The following ITGAL variants were observed in gnomAD, a reference collection of about 807,000 sequenced individuals.
ITGAL encodes integrin alpha-L.
Under a neutral mutation model 138.4 loss-of-function variants are expected in ITGAL, and 68 were observed. That is an observed-to-expected ratio of 0.49 (90% CI 0.40 to 0.60). ITGAL has a LOEUF of 0.60. Ranked by LOEUF, ITGAL falls within the 20% of genes least tolerant of loss-of-function variation. The probability of loss-of-function intolerance (pLI) is 0.00; values close to 1 mark genes in which losing one functional copy is unlikely to be tolerated. For missense variants in ITGAL, 1,256 were observed against 1,478.6 expected (o/e 0.85, Z 2.47); for synonymous variants, 561 against 584.3 (o/e 0.96, Z 0.57).
At chr16:30,516,771 G>A (rs896486774) in intron 25 of ITGAL, among the ~76,000 whole-genome samples, 1 of 152,198 alleles carries the variant, frequency 6.6e-6, no homozygotes, top group African/African-American at 2.4e-5. Context: ...GGCGGAGAAA[G>A]CTGGAAGAGC....
intron 1 of ITGAL, among the ~76,000 whole-genome samples, chr16:30,473,786 G>A (rs933291430): frequency 6.6e-6 from 1 of 152,214 alleles, no homozygotes; most frequent in Non-Finnish European, 1.5e-5. Context: ...ATCTGAGACT[G>A]TGGGAGGAGG....
intron 30 of ITGAL, 113 bp from the exon 31 acceptor site, chr16:30,521,379 C>T (rs894839073): frequency 1.1e-6 from 1 of 882,002 alleles, no homozygotes. Flanking sequence ...TGCACTCCAG[C>T]CTGGGCAACA....
chr16:30,519,399 A>G (rs141718500), intron 29 of ITGAL, among the ~76,000 whole-genome samples: 1 of 152,078 alleles, frequency 6.6e-6, no homozygotes, highest in East Asian at 1.9e-4. Context: ...AAAAAAAATC[A>G]ATCTGATGGC....
At chr16:30,517,187 T>G in intron 26 of ITGAL, 101 bp downstream of exon 26, 2 of 766,168 alleles carry the variant, frequency 2.6e-6, no homozygotes, top group Non-Finnish European at 4.3e-6. Flanking sequence ...GCGGTGGCTC[T>G]GCCTCCCAAA....
chr16:30,491,837 T>C (rs566462181), intron 11 of ITGAL, among the ~76,000 whole-genome samples: 2 of 152,132 alleles, frequency 1.3e-5, no homozygotes, highest in Non-Finnish European at 2.9e-5. Context: ...CACAGAGGCA[T>C]GAAGCAATTT....
chr16:30,517,936 C>G (rs764243566), intron 28 of ITGAL, 41 bp downstream of exon 28: 1 of 1,567,818 alleles, frequency 6.4e-7, no homozygotes, highest in Admixed American at 1.7e-5. Context: ...GCTGTGGGGG[C>G]CCCAATGCCT....
At chr16:30,496,651 T>C (rs28708641) in intron 15 of ITGAL, 85 bp downstream of exon 15, 498,113 of 1,295,756 alleles carry the variant, frequency 0.38, 99,854 homozygotes, top group East Asian at 0.65. Context: ...TTTATTTTGG[T>C]TTTTTTTAGA....
At chr16:30,498,506 T>A (rs2050837336) in intron 15 of ITGAL, among the ~76,000 whole-genome samples, 1 of 152,160 alleles carries the variant, frequency 6.6e-6, no homozygotes. Flanking sequence ...AACATAAGCA[T>A]GAAAGTAACT....
intron 13 of ITGAL, among the ~76,000 whole-genome samples, chr16:30,495,197 G>A (rs1201586005): frequency 6.6e-6 from 1 of 152,042 alleles, no homozygotes; most frequent in Non-Finnish European, 1.5e-5. Context: ...GCTAATTTTT[G>A]TATTTTTAGT....
intron 6 of ITGAL, among the ~76,000 whole-genome samples, chr16:30,480,075 A>C (rs1034014262): frequency 4.0e-5 from 6 of 151,876 alleles, no homozygotes; most frequent in Non-Finnish European, 8.8e-5. Flanking sequence ...GGGACTACCC[A>C]TGTGCACCAC....
At chr16:30,478,735 T>G (rs1016481602) in intron 4 of ITGAL, among the ~76,000 whole-genome samples, 5 of 150,398 alleles carry the variant, frequency 3.3e-5, no homozygotes, top group Admixed American at 6.6e-5. Flanking sequence ...AAAGAGGCAC[T>G]GTATATTCTG....
chr16:30,514,932 C>G (rs1405001555), intron 25 of ITGAL, among the ~76,000 whole-genome samples: 1 of 150,328 alleles, frequency 6.7e-6, no homozygotes, highest in African/African-American at 2.5e-5. Flanking sequence ...TCAAGCAATT[C>G]TCCTGCTTCA....
rs1056659651 is a variant in ITGAL, at chr16:30,509,779, T to C, written c.2509-582T>C. ...GTAGGCCAGGTACAGAGGCTTACAC[T>C]TATAATCCCAGCACATTGGTAGGCT... On this transcript the variant is annotated intron_variant, in intron 21 of 30. Transcript: ENST00000356798. Among the ~76,000 whole-genome samples the C allele has an allele frequency of 2.6e-5, 4 of 151,992 alleles. No homozygotes were observed. In the East Asian group the frequency reaches 5.8e-4, roughly 22 times the overall value.
intron 1 of ITGAL, chr16:30,473,898 C>T (rs2050427964): frequency 5.5e-6 from 3 of 542,300 alleles, no homozygotes; most frequent in East Asian, 4.4e-5. Flanking sequence ...TCACCCTCTG[C>T]CTTGGGGCCC....
Position 30,481,176 on chromosome 16 carries a change from A to T in ITGAL, c.577-263A>T, listed in dbSNP as rs996380622. 91 of 382,258 alleles carry T rather than the reference A, an allele frequency of 2.4e-4. 2 individuals carry two copies. Among genetic ancestry groups the T allele is most frequent in the South Asian group, 2.0e-3 (88 of 43,052 alleles). 23.7% of individuals were successfully genotyped at this position (382,258 alleles called of 1,614,324 possible). On this transcript the variant is annotated intron_variant, in intron 6 of 30. Coordinates refer to ENST00000356798, the MANE Select transcript of ITGAL (RefSeq NM_002209.3). ...CACACACACACACACACACACACAC[A>T]CACACACCACACACACACAAATATT... is the stretch of plus-strand genomic sequence containing the variant.
In ITGAL at chr16:30,494,912, G is replaced by A; in HGVS notation, c.1503+62G>A. The stretch of plus-strand genomic sequence containing the variant: ...GAGCAGCAGAGATTCGCAGCTCCCA[G>A]TTATTCTGAAGGCTTTCTCTGTCTG... On this transcript the variant is annotated intron_variant, in intron 13 of 30. Transcript: ENST00000356798. This position sits in a 1 kb window ranked among gnomAD's most constrained non-coding sequence, Gnocchi z 4.2. 1.3e-6 allele frequency: 2 copies of A among 1,510,990 alleles called. No individual in the cohort carries two copies. The highest frequency in any genetic ancestry group is 1.8e-6 in the Non-Finnish European group (2 of 1,121,026). 93.6% of individuals were successfully genotyped at this position (1,510,990 alleles called of 1,614,324 possible). A position where few individuals can be genotyped will look rare whatever the true frequency, so the allele number is the denominator to read the frequency against.
At chr16:30,520,887 C>A (rs991616943) in intron 30 of ITGAL, among the ~76,000 whole-genome samples, 1 of 152,170 alleles carries the variant, frequency 6.6e-6, no homozygotes, top group Non-Finnish European at 1.5e-5. Flanking sequence ...GAGTTCGAGA[C>A]CAGCCTGACC....
intron 11 of ITGAL, among the ~76,000 whole-genome samples, chr16:30,493,531 C>T (rs1198839971): frequency 1.3e-5 from 2 of 151,872 alleles, no homozygotes; most frequent in Admixed American, 6.6e-5. Context: ...CTGCCTCGGC[C>T]TCCCAAAGCG....
At chr16:30,516,880 G>A in intron 25 of ITGAL, 93 bp from the exon 26 acceptor site, 1 of 872,076 alleles carries the variant, frequency 1.1e-6, no homozygotes, top group Non-Finnish European at 2.0e-6. Flanking sequence ...CAGCCAATGA[G>A]GACTGGAAGA....
Sources: gnomAD v4.1 joint callset for allele counts (sites outside exome capture counted in the v4.1 genomes callset) on GRCh38, gnomAD v4.1.1 for gene constraint, Gnocchi (gnomAD v3.1) non-coding constraint, MANE v1.5 for transcripts, NCBI Gene and HGNC (gene_info 2026-07-23, HGNC 2026-07-21) for gene names.